Variants in CYP3A7 observed in about 807,000 individuals in gnomAD.
CYP3A7 encodes cytochrome P450 3A7.
CYP3A7 carries 45 observed loss-of-function variants against 55.2 expected under a neutral mutation model. The ratio of observed to expected loss-of-function variants is 0.82; its 90% CI spans 0.64 to 1.05. The LOEUF (loss-of-function observed/expected upper bound fraction) is 1.05. CYP3A7 is among the 50% of genes least tolerant of loss of function. The probability of loss-of-function intolerance (pLI) is 0.00; values close to 1 mark genes in which losing one functional copy is unlikely to be tolerated. For missense variants in CYP3A7, 548 were observed against 605.3 expected (o/e 0.91, Z 0.99); for synonymous variants, 180 against 207.4 (o/e 0.87, Z 1.13).
chr7:99,720,402 A>C lies in CYP3A7; in HGVS notation c.229T>G (p.Cys77Gly), dbSNP rs778296509. The C allele has an allele frequency of 6.2e-7, 1 of 1,613,636 alleles. No individual in the cohort carries two copies. The highest frequency in any genetic ancestry group is 8.5e-7 in the Non-Finnish European group (1 of 1,179,644). ...GTGATAGCCAGCATAGGCTGTTGAC[A>C]GTCATAAATACTGTGTGGAGAAAAC... The part of the protein sequence containing the change: ...KYRKVWGIYD[C>G]QQPMLAITDP... The change falls in exon 4 of 13, where the codon TGT (cysteine) becomes GGT (glycine). Residue 77 changes from cysteine (C) to glycine (G), a missense_variant. Coordinates refer to ENST00000336374, the MANE Select transcript of CYP3A7 (RefSeq NM_000765.5).
chr7:99,719,919 C>G (rs375745138), intron 4 of CYP3A7, among the ~76,000 whole-genome samples: 7 of 152,254 alleles, frequency 4.6e-5, no homozygotes, highest in African/African-American at 1.7e-4. Context: ...ATCACTTGAA[C>G]CCTGGAGGTG....
chr7:99,705,853 T>C (rs1297924844), intron 12 of CYP3A7, among the ~76,000 whole-genome samples: 1 of 152,208 alleles, frequency 6.6e-6, no homozygotes, highest in Admixed American at 6.5e-5. Flanking sequence ...TGAGACAAAT[T>C]CATGGGAACC....
intron 11 of CYP3A7, among the ~76,000 whole-genome samples, chr7:99,708,474 T>C (rs1052511432): frequency 1.3e-5 from 2 of 151,538 alleles, no homozygotes; most frequent in African/African-American, 4.9e-5. Context: ...CCCCTCCTTC[T>C]CTCCTCCTTC....
At chr7:99,717,479 T>C in intron 5 of CYP3A7, 47 bp downstream of exon 5, 1 of 1,609,116 alleles carries the variant, frequency 6.2e-7, no homozygotes, top group Non-Finnish European at 8.5e-7. Context: ...TGTCCCCACC[T>C]GATTCATTCT....
Position 99,717,441 on chromosome 7 carries a change from G to A in CYP3A7, c.432+85C>T, listed in dbSNP as rs900451740. 9 of 1,591,394 alleles carry A rather than the reference G, an allele frequency of 5.7e-6. No individual in the cohort carries two copies. The African/African-American group carries it at 1.1e-4, about 19-fold the overall frequency. ...CTCAAATTCAGCAGACTACTCCTCG[G>A]AAAGGAACTCTGATCTTACTTTCTA... is the stretch of plus-strand genomic sequence containing the variant. On this transcript the variant is annotated intron_variant, in intron 5 of 12. Transcript: ENST00000336374.
chr7:99,710,774 C>T lies in CYP3A7; in HGVS notation c.984G>A (p.Gln328=), dbSNP rs758259550. 6.2e-6 allele frequency: 10 copies of T among 1,613,928 alleles called. No homozygotes were observed. The South Asian group carries it at 9.9e-5, about 16-fold the overall frequency. The part of the protein sequence containing the change: ...IYELATHPDV[Q]QKVQKEIDTV... ...TATCAATTTCCTTCTGCACTTTCTG[C>T]TGGACATCAGGGTGAGTGGCCAGTT... The change falls in exon 10 of 13, where the codon CAG becomes CAA. Residue 328 remains glutamine, a synonymous_variant. Coordinates refer to ENST00000336374, the MANE Select transcript of CYP3A7 (RefSeq NM_000765.5).
Position 99,707,895 on chromosome 7 carries a change from T to G in CYP3A7, c.1333A>C (p.Met445Leu), listed in dbSNP as rs1193284701. 6.2e-7 allele frequency: 1 copy of G among 1,614,082 alleles called. No homozygotes were observed. Among genetic ancestry groups the G allele is most frequent in the East Asian group, 2.2e-5 (1 of 44,872 alleles). ...TTCATGTTCACGAGAGCAAACCTCA[T>G]GCCAATGCAGTTTCTGGGTCCACTT... is the stretch of plus-strand genomic sequence containing the variant. ...FGSGPRNCIG[M>L]RFALVNMKLA... Residue 445 changes from methionine to leucine, a missense_variant, in exon 12 of 13, where the codon ATG becomes CTG. Physicochemically the swap from Met to Leu is conservative, Grantham distance 15 (BLOSUM62 2). Transcript: ENST00000336374.
chr7:99,722,923 C>T (rs1814259255), intron 2 of CYP3A7, among the ~76,000 whole-genome samples: 2 of 152,250 alleles, frequency 1.3e-5, no homozygotes, highest in Admixed American at 6.5e-5. Context: ...AAAGTGGACT[C>T]GCTTTCCAGT....
intron 3 of CYP3A7, among the ~76,000 whole-genome samples, chr7:99,721,836 C>T (rs568883163): frequency 6.6e-6 from 1 of 152,272 alleles, no homozygotes; most frequent in African/African-American, 2.4e-5. Flanking sequence ...AGTGGATTCT[C>T]ATGCTTGTGT....
intron 1 of CYP3A7, among the ~76,000 whole-genome samples, chr7:99,732,213 C>T (rs554297228): frequency 1.3e-5 from 2 of 152,256 alleles, no homozygotes; most frequent in East Asian, 3.9e-4. Flanking sequence ...ACCTCCTCCC[C>T]ACCCTCTCTT....
chr7:99,732,093 T>C, intron 1 of CYP3A7, among the ~76,000 whole-genome samples: 1 of 152,248 alleles, frequency 6.6e-6, no homozygotes. Context: ...GCCTGATAGA[T>C]GGTGGTTGTA....
At chr7:99,717,773 C>A in intron 4 of CYP3A7, 134 bp from the exon 5 acceptor site, 1 of 1,145,964 alleles carries the variant, frequency 8.7e-7, no homozygotes. Flanking sequence ...GGCCCTATGA[C>A]AGATGCTCAA....
At chr7:99,717,336 C>T in intron 5 of CYP3A7, 71 bp from the exon 6 acceptor site, 1 of 1,611,566 alleles carries the variant, frequency 6.2e-7, no homozygotes, top group Non-Finnish European at 8.5e-7. Context: ...ATGACTTTGC[C>T]TGGCATGGAA....
chr7:99,710,719 A>C lies in CYP3A7; in HGVS notation c.1026+13T>G. On this transcript the variant is annotated intron_variant, in intron 10 of 12. Transcript: ENST00000336374. ...TCACCTCCTCCCTCCTTCTCCATGT[A>C]CTGTCCACTCACCTTATTGGGTAAA... 6.2e-7 allele frequency: 1 copy of C among 1,613,776 alleles called. No homozygotes were observed. Among genetic ancestry groups the C allele is most frequent in the Non-Finnish European group, 8.5e-7 (1 of 1,179,818 alleles).
At chr7:99,718,362 A>G (rs1814054705) in intron 4 of CYP3A7, among the ~76,000 whole-genome samples, 1 of 152,182 alleles carries the variant, frequency 6.6e-6, no homozygotes, top group South Asian at 2.1e-4. Flanking sequence ...TTTTTATTCC[A>G]TGGATAGAAA....
At position 99,707,932 on chromosome 7, in the gene CYP3A7, G is replaced by T. The variant is rs1307877920; in HGVS notation, c.1296C>A (p.Tyr432Ter). The change falls in exon 12 of 13, where the codon TAC becomes TAA. Residue 432 changes from tyrosine to a stop codon, truncating the protein, a stop_gained. Coordinates refer to ENST00000336374, the MANE Select transcript of CYP3A7 (RefSeq NM_000765.5). LOFTEE classifies it high-confidence loss of function. ...TTCTGGGTCCACTTCCAAAGGGTGT[G>T]TATATGTAAGGATCTATGTTGTCCT... The part of the protein sequence containing the change: ...KNKDNIDPYI[Y>*]TPFGSGPRNC... 1 of 1,613,858 alleles carries T rather than the reference G, an allele frequency of 6.2e-7. No individual in the cohort carries two copies. The highest frequency in any genetic ancestry group is 8.5e-7 in the Non-Finnish European group (1 of 1,179,896).
intron 2 of CYP3A7, among the ~76,000 whole-genome samples, chr7:99,726,614 C>A (rs1193147788): frequency 6.6e-6 from 1 of 152,190 alleles, no homozygotes; most frequent in Non-Finnish European, 1.5e-5. Flanking sequence ...AGCAGCTTAC[C>A]TGGGCTGTAC....
intron 3 of CYP3A7, among the ~76,000 whole-genome samples, chr7:99,721,652 T>C (rs1426383625): frequency 6.6e-6 from 1 of 152,208 alleles, no homozygotes; most frequent in African/African-American, 2.4e-5. Context: ...CCTCAACACC[T>C]GGTGACATAT....
intron 2 of CYP3A7, among the ~76,000 whole-genome samples, chr7:99,726,818 A>G (rs1231058000): frequency 1.3e-5 from 2 of 152,148 alleles, no homozygotes; most frequent in Non-Finnish European, 2.9e-5. Context: ...GATATCGGGT[A>G]TCCCCCTCCA....
Sources: allele counts gnomAD v4.1 joint callset (sites outside exome capture counted in the v4.1 genomes callset), GRCh38; gene constraint gnomAD v4.1.1; transcripts MANE v1.5; gene names NCBI Gene and HGNC (gene_info 2026-07-23, HGNC 2026-07-21).